Variants in FAM193A observed in about 807,000 individuals in gnomAD.
The protein encoded by FAM193A is protein FAM193A.
A neutral mutation model predicts 126.5 loss-of-function variants in FAM193A; 22 were observed. The ratio of observed to expected loss-of-function variants is 0.17; its 90% CI spans 0.12 to 0.25. FAM193A has a LOEUF of 0.25. FAM193A is among the 10% of genes least tolerant of loss of function. The pLI, the probability that FAM193A is intolerant of heterozygous loss-of-function variation, is 1.00. For synonymous variants in FAM193A, 761 were observed against 646.8 expected (o/e 1.18, Z -2.68); for missense variants, 1,675 against 1,672.8 (o/e 1.00, Z -0.02).
chr4:2,713,466 T>C (rs1263108890), intron 19 of FAM193A, among the ~76,000 whole-genome samples: 1 of 152,206 alleles, frequency 6.6e-6, no homozygotes, highest in African/African-American at 2.4e-5. Context: ...TGCATTCCTA[T>C]AGACTTGCAT....
At chr4:2,665,769 C>T (rs902012447) in intron 12 of FAM193A, among the ~76,000 whole-genome samples, 7 of 152,222 alleles carry the variant, frequency 4.6e-5, no homozygotes, top group African/African-American at 1.7e-4. Flanking sequence ...TCAAGCCATC[C>T]TCCCATTTCA....
intron 13 of FAM193A, among the ~76,000 whole-genome samples, chr4:2,675,111 G>T (rs1012177804): frequency 4.6e-5 from 7 of 152,134 alleles, no homozygotes; most frequent in Non-Finnish European, 1.0e-4. Context: ...AGCATGCAGT[G>T]TATAATCTCT....
intron 15 of FAM193A, among the ~76,000 whole-genome samples, chr4:2,692,382 G>A (rs1242897801): frequency 1.3e-5 from 2 of 152,134 alleles, no homozygotes; most frequent in African/African-American, 4.8e-5. Context: ...CCACCACATG[G>A]GGGGATTATG....
intron 20 of FAM193A, among the ~76,000 whole-genome samples, chr4:2,724,823 T>C (rs1432453843): frequency 6.6e-6 from 1 of 152,226 alleles, no homozygotes; most frequent in Admixed American, 6.5e-5. Flanking sequence ...CATATCGTTA[T>C]CAAGGGTTAC....
At chr4:2,713,205 GA>G (rs1719178501) in intron 19 of FAM193A, among the ~76,000 whole-genome samples, 1 of 151,500 alleles carries the variant, frequency 6.6e-6, no homozygotes, top group Non-Finnish European at 1.5e-5. Context: ...AAGAGATCAA[GA>G]CCATCCTGGC....
chr4:2,601,392 C>A (rs1319519267), intron 2 of FAM193A, among the ~76,000 whole-genome samples: 1 of 151,748 alleles, frequency 6.6e-6, no homozygotes, highest in Non-Finnish European at 1.5e-5. Context: ...ACCACCACAC[C>A]CAGCTAATTT....
intron 7 of FAM193A, among the ~76,000 whole-genome samples, chr4:2,649,870 A>T (rs529144278): frequency 6.6e-6 from 1 of 152,202 alleles, no homozygotes; most frequent in South Asian, 2.1e-4. Flanking sequence ...GAAGCCTGTC[A>T]GTGTTTATAG....
intron 1 of FAM193A, among the ~76,000 whole-genome samples, chr4:2,552,121 C>T (rs1737960292): frequency 6.6e-6 from 1 of 150,394 alleles, no homozygotes; most frequent in South Asian, 2.1e-4. Flanking sequence ...ACGCCATTCT[C>T]CTGCCTCAGC....
chr4:2,557,446 T>G (rs1738328553), intron 1 of FAM193A, among the ~76,000 whole-genome samples: 1 of 152,178 alleles, frequency 6.6e-6, no homozygotes, highest in African/African-American at 2.4e-5. Context: ...AACTACAGAT[T>G]ATTTGGATTT....
intron 7 of FAM193A, among the ~76,000 whole-genome samples, chr4:2,657,525 T>A (rs576865665): frequency 6.6e-6 from 1 of 152,340 alleles, no homozygotes; most frequent in South Asian, 2.1e-4. Flanking sequence ...TGAATGTTCA[T>A]CCACTGTATT....
At chr4:2,625,815 C>T (rs928208756) in intron 3 of FAM193A, among the ~76,000 whole-genome samples, 2 of 150,360 alleles carry the variant, frequency 1.3e-5, no homozygotes, top group African/African-American at 4.9e-5. Context: ...CAACCTCCGC[C>T]TTCCAGGCTC....
chr4:2,569,093 C>T (rs760394326), intron 1 of FAM193A, among the ~76,000 whole-genome samples: 6 of 151,444 alleles, frequency 4.0e-5, no homozygotes, highest in Non-Finnish European at 8.8e-5. Context: ...CCTCAGCCTC[C>T]TGAGTAACTG....
intron 19 of FAM193A, among the ~76,000 whole-genome samples, chr4:2,712,196 G>A (rs1719054433): frequency 6.6e-6 from 1 of 152,062 alleles, no homozygotes; most frequent in Admixed American, 6.6e-5. Flanking sequence ...CTGTGTGTGT[G>A]TGTATATATA....
intron 2 of FAM193A, among the ~76,000 whole-genome samples, chr4:2,617,103 G>A (rs1468354941): frequency 7.3e-6 from 1 of 136,138 alleles, no homozygotes; most frequent in Non-Finnish European, 1.6e-5. Flanking sequence ...AGGAGGCGGA[G>A]GTTTCAGTGA....
At chr4:2,647,452 G>A (rs1042172035) in intron 7 of FAM193A, among the ~76,000 whole-genome samples, 1 of 152,088 alleles carries the variant, frequency 6.6e-6, no homozygotes, top group Non-Finnish European at 1.5e-5. Flanking sequence ...GGTCCAGGTA[G>A]GAGGTTTTTT....
chr4:2,639,668 C>T, intron 5 of FAM193A, 67 bp from the exon 6 acceptor site: 1 of 1,387,294 alleles, frequency 7.2e-7, no homozygotes, highest in South Asian at 1.3e-5. Context: ...GGGAATCCCT[C>T]TGGGAATTTT....
rs913344243 is a variant in FAM193A, at chr4:2,537,077, C to G, written c.162C>G (p.Ser54Arg). 2.1e-5 allele frequency: 3 copies of G among 146,152 alleles called. No individual in the cohort carries two copies. The highest frequency in any genetic ancestry group is 4.9e-5 in the African/African-American group (2 of 40,422). 9.1% of individuals were successfully genotyped at this position (146,152 alleles called of 1,614,324 possible). The change falls in exon 1 of 21, where the codon AGC (serine) becomes AGG (arginine). Residue 54 changes from serine (S) to arginine (R), a missense_variant. Transcript: ENST00000637812. ...SQAAGLAAPG[S>R]AAGLVGGAAA... ...CCGCGGGCCTGGCGGCCCCGGGCAG[C>G]GCGGCAGGCCTGGTGGGCGGCGCGG...
chr4:2,646,565 G>GT (rs1745163759), intron 6 of FAM193A, 120 bp from the exon 7 acceptor site: 1 of 1,089,434 alleles, frequency 9.2e-7, no homozygotes, highest in African/African-American at 1.6e-5. Context: ...GTGGCACCCT[G>GT]TTTTCCACGT....
At chr4:2,557,129 A>T (rs1372787373) in intron 1 of FAM193A, among the ~76,000 whole-genome samples, 2 of 152,220 alleles carry the variant, frequency 1.3e-5, no homozygotes, top group African/African-American at 2.4e-5. Context: ...AATTAGGCAC[A>T]GTGAGAGATT....
Sources: gnomAD v4.1 joint callset for allele counts (sites outside exome capture counted in the v4.1 genomes callset) on GRCh38, gnomAD v4.1.1 for gene constraint, MANE v1.5 for transcripts, NCBI Gene and HGNC (gene_info 2026-07-23, HGNC 2026-07-21) for gene names.